The following IGSF21 variants were observed in gnomAD, a reference collection of about 807,000 sequenced individuals.
The protein encoded by IGSF21 is immunoglobin superfamily member 21.
A neutral mutation model predicts 46.8 loss-of-function variants in IGSF21; 28 were observed. The observed-to-expected ratio is 0.60, with a 90% CI of 0.44 to 0.82. IGSF21 has a LOEUF of 0.82. Among genes scored for constraint, IGSF21 ranks in the 40% least tolerant of loss-of-function variants. The pLI, the probability that IGSF21 is intolerant of heterozygous loss-of-function variation, is 0.00. For synonymous variants in IGSF21, 284 were observed against 273.6 expected, an observed-to-expected ratio of 1.04 and a Z score of -0.38; for missense variants, 624 against 665.5, an observed-to-expected ratio of 0.94 and a Z score of 0.69.
chr1:18,326,227 TTGGAGAA>T (rs1268062058), intron 3 of IGSF21, among the ~76,000 whole-genome samples: 1 of 152,204 alleles, frequency 6.6e-6, no homozygotes, highest in Non-Finnish European at 1.5e-5. Context: ...GACCCTGAAC[TTGGAGAA>T]TGAGCAGGTG....
chr1:18,302,972 C>T (rs1008431071), intron 3 of IGSF21, among the ~76,000 whole-genome samples: 16 of 152,168 alleles, frequency 1.1e-4, no homozygotes, highest in African/African-American at 3.9e-4. Context: ...GCCTAGCTCC[C>T]CAGGGAGGGA....
At chr1:18,139,077 G>C (rs1252302175) in intron 1 of IGSF21, among the ~76,000 whole-genome samples, 1 of 152,146 alleles carries the variant, frequency 6.6e-6, no homozygotes, top group Non-Finnish European at 1.5e-5. Context: ...CTTCCCTCTT[G>C]GGTGCAGAGT....
At chr1:18,111,435 A>G (rs1411271608) in intron 1 of IGSF21, 1 of 152,204 alleles carries the variant, frequency 6.6e-6, no homozygotes, top group Non-Finnish European at 1.5e-5. Flanking sequence ...TCTTTTAAGT[A>G]GGAAAACCCT....
intron 1 of IGSF21, among the ~76,000 whole-genome samples, chr1:18,181,648 T>A (rs888303296): frequency 1.3e-5 from 2 of 152,160 alleles, no homozygotes. Context: ...AGCTCTGTCT[T>A]TTTTGAATTT....
At chr1:18,128,096 C>T (rs1018102181) in intron 1 of IGSF21, among the ~76,000 whole-genome samples, 1 of 152,172 alleles carries the variant, frequency 6.6e-6, no homozygotes, top group Non-Finnish European at 1.5e-5. Flanking sequence ...TAATGGATAA[C>T]TTACTACTCG....
At chr1:18,182,393 G>A (rs1264416095) in intron 1 of IGSF21, among the ~76,000 whole-genome samples, 1 of 152,030 alleles carries the variant, frequency 6.6e-6, no homozygotes, top group Non-Finnish European at 1.5e-5. Context: ...TGGTCAGACT[G>A]GTCTTGAACT....
chr1:18,318,360 G>T (rs1490032282), intron 3 of IGSF21, among the ~76,000 whole-genome samples: 3 of 152,168 alleles, frequency 2.0e-5, no homozygotes, highest in South Asian at 4.1e-4. Context: ...TGAGGGCTTT[G>T]GTTGATTGTG....
At chr1:18,288,651 A>T (rs2085238172) in intron 2 of IGSF21, among the ~76,000 whole-genome samples, 1 of 152,034 alleles carries the variant, frequency 6.6e-6, no homozygotes, top group Non-Finnish European at 1.5e-5. Flanking sequence ...CCCTCTAACC[A>T]CCAGGAACCA....
intron 1 of IGSF21, among the ~76,000 whole-genome samples, chr1:18,216,306 CTGAT>C (rs1275858112): frequency 6.6e-6 from 1 of 152,104 alleles, no homozygotes; most frequent in East Asian, 1.9e-4. Flanking sequence ...CAATGTGAGA[CTGAT>C]TGAGTTGGAG....
chr1:18,145,586 G>A (rs2086458162), intron 1 of IGSF21, among the ~76,000 whole-genome samples: 2 of 152,098 alleles, frequency 1.3e-5, no homozygotes, highest in South Asian at 2.1e-4. Flanking sequence ...CCGAGGACAC[G>A]AAGCACACAC....
At chr1:18,287,117 C>A (rs1428490135) in intron 2 of IGSF21, among the ~76,000 whole-genome samples, 1 of 149,462 alleles carries the variant, frequency 6.7e-6, no homozygotes, top group Non-Finnish European at 1.5e-5. Flanking sequence ...GGAGGCGGAG[C>A]TTGCAGTGAG....
chr1:18,304,534 G>A lies in IGSF21; in HGVS notation c.305+12547G>A, dbSNP rs145558211. On this transcript the variant is annotated intron_variant, in intron 3 of 9. Coordinates refer to ENST00000251296, the MANE Select transcript of IGSF21 (RefSeq NM_032880.5). ...CGTAAGGTCACACAGCAAGCCAGCC[G>A]CAGAATCAAAAGTCAACTTCTGACT... Among the ~76,000 whole-genome samples the A allele has an allele frequency of 5.3e-4, 80 of 152,256 alleles. 1 individual carries two copies. In the East Asian group the frequency reaches 0.013, roughly 25 times the overall value.
chr1:18,127,413 A>C (rs780765180), intron 1 of IGSF21, among the ~76,000 whole-genome samples: 1 of 152,118 alleles, frequency 6.6e-6, no homozygotes, highest in Non-Finnish European at 1.5e-5. Flanking sequence ...TATGGAAGTC[A>C]TGAGGAAAGA....
At chr1:18,170,019 T>G (rs1283035233) in intron 1 of IGSF21, among the ~76,000 whole-genome samples, 2 of 152,024 alleles carry the variant, frequency 1.3e-5, no homozygotes, top group African/African-American at 4.8e-5. Flanking sequence ...TAGGACCAAG[T>G]GCATCTGTGT....
At chr1:18,327,617 C>A (rs2085670357) in intron 3 of IGSF21, among the ~76,000 whole-genome samples, 2 of 152,124 alleles carry the variant, frequency 1.3e-5, no homozygotes, top group South Asian at 2.1e-4. Context: ...AAAATAATGA[C>A]AAGGAGTGGA....
At chr1:18,259,631 A>G (rs2084928285) in intron 2 of IGSF21, among the ~76,000 whole-genome samples, 2 of 152,124 alleles carry the variant, frequency 1.3e-5, no homozygotes, top group Non-Finnish European at 2.9e-5. Context: ...TATATAAAGA[A>G]GAGAGAGAGA....
chr1:18,200,193 G>A (rs2087057364), intron 1 of IGSF21, among the ~76,000 whole-genome samples: 1 of 152,204 alleles, frequency 6.6e-6, no homozygotes, highest in Non-Finnish European at 1.5e-5. Context: ...GGTCACCTCG[G>A]TTATAAAATA....
chr1:18,138,240 G>T (rs935243826), intron 1 of IGSF21, among the ~76,000 whole-genome samples: 25 of 152,140 alleles, frequency 1.6e-4, no homozygotes, highest in African/African-American at 6.0e-4. Flanking sequence ...TCTCATCGAG[G>T]AAATATAATA....
intron 1 of IGSF21, among the ~76,000 whole-genome samples, chr1:18,223,027 C>A (rs2084526844): frequency 6.6e-6 from 1 of 152,182 alleles, no homozygotes; most frequent in Non-Finnish European, 1.5e-5. Flanking sequence ...AGCCAGAGAG[C>A]CCACCTCCAG....
Sources: gnomAD v4.1 joint callset for allele counts (sites outside exome capture counted in the v4.1 genomes callset) on GRCh38, gnomAD v4.1.1 for gene constraint, MANE v1.5 for transcripts, NCBI Gene and HGNC (gene_info 2026-07-23, HGNC 2026-07-21) for gene names.